C9: variants seen among roughly 807,000 people sequenced by gnomAD.
C9 encodes the protein complement component C9.
C9 carries 63 observed loss-of-function variants against 65.4 expected under a neutral mutation model. The ratio of observed to expected loss-of-function variants is 0.96; its 90% CI spans 0.79 to 1.19. C9 has a LOEUF of 1.19. Among genes scored for constraint, C9 ranks in the 50% most tolerant of loss-of-function variants. The probability of loss-of-function intolerance (pLI) is 0.00; values close to 1 mark genes in which losing one functional copy is unlikely to be tolerated. For synonymous variants in C9, 229 were observed against 227.9 expected (o/e 1.00, Z -0.04); for missense variants, 744 against 670.1 (o/e 1.11, Z -1.22).
Position 39,338,763 on chromosome 5 carries a change from A to C in C9, c.476+2383T>G, listed in dbSNP as rs1754015464. On this transcript the variant is annotated intron_variant, in intron 4 of 10. Coordinates refer to ENST00000263408, the MANE Select transcript of C9 (RefSeq NM_001737.5). The stretch of plus-strand genomic sequence containing the variant: ...ACTCAGCTGTGGGATGGTTCCTAAC[A>C]CCAACCCTGACTGTGGTAAAGCGTG... Among the ~76,000 whole-genome samples, 7 of 152,268 alleles carry C rather than the reference A, an allele frequency of 4.6e-5. No homozygotes were observed. The South Asian group carries it at 1.5e-3, about 32-fold the overall frequency.
chr5:39,353,511 C>T (rs1353573057), intron 1 of C9, among the ~76,000 whole-genome samples: 1 of 152,182 alleles, frequency 6.6e-6, no homozygotes, highest in Non-Finnish European at 1.5e-5. Context: ...TCACTATTCA[C>T]TACATTGATC....
intron 5 of C9, among the ~76,000 whole-genome samples, chr5:39,318,870 A>G (rs1011130340): frequency 1.3e-5 from 2 of 152,250 alleles, no homozygotes; most frequent in Non-Finnish European, 2.9e-5. Flanking sequence ...CCACTTCCCT[A>G]CTTAGATCTT....
chr5:39,345,241 A>G (rs565298394), intron 1 of C9, among the ~76,000 whole-genome samples: 1 of 152,350 alleles, frequency 6.6e-6, no homozygotes, highest in Non-Finnish European at 1.5e-5. Context: ...TTGGATAAAG[A>G]GTAAAGACCC....
chr5:39,336,302 T>C (rs1753964012), intron 4 of C9, among the ~76,000 whole-genome samples: 1 of 152,126 alleles, frequency 6.6e-6, no homozygotes, highest in Non-Finnish European at 1.5e-5. Flanking sequence ...TCTATGCCCC[T>C]TTTTATTCTT....
chr5:39,306,601 T>G lies in C9; in HGVS notation c.1416+16A>C, dbSNP rs1480067192. 6 of 1,597,544 alleles carry G rather than the reference T, an allele frequency of 3.8e-6. No individual in the cohort carries two copies. Among genetic ancestry groups the G allele is most frequent in the Non-Finnish European group, 5.1e-6 (6 of 1,165,080 alleles). On this transcript the variant is annotated intron_variant, in intron 9 of 10. Transcript: ENST00000263408. ...AATGACACAGTCTTCTGTTTGAAAA[T>G]AAACACGTTTCTTACTTTTTGACTA...
chr5:39,313,788 A>G (rs1753527599), intron 6 of C9, among the ~76,000 whole-genome samples: 1 of 152,182 alleles, frequency 6.6e-6, no homozygotes, highest in Non-Finnish European at 1.5e-5. Context: ...GCTCAATTCC[A>G]GGTCTTTTTC....
chr5:39,311,360 A>G lies in C9; in HGVS notation c.888T>C (p.His296=). 1 of 1,612,362 alleles carries G rather than the reference A, an allele frequency of 6.2e-7. No individual in the cohort carries two copies. Among genetic ancestry groups the G allele is most frequent in the East Asian group, 2.2e-5 (1 of 44,864 alleles). The change falls in exon 7 of 11, where the codon CAT becomes CAC. Residue 296 remains histidine, a synonymous_variant. Transcript: ENST00000263408. ...YSSKKEKMFL[H]VKGEIHLGRF... ...TTCCCAGATGAATTTCTCCTTTCAC[A>G]TGCAGAAACATTTTTTCCTGTGTTG...
chr5:39,347,777 A>G (rs1754236517), intron 1 of C9, among the ~76,000 whole-genome samples: 1 of 152,208 alleles, frequency 6.6e-6, no homozygotes, highest in Non-Finnish European at 1.5e-5. Flanking sequence ...CTGTACTACA[A>G]GGCTACAGTA....
intron 10 of C9, among the ~76,000 whole-genome samples, chr5:39,286,727 T>C (rs1752997867): frequency 6.6e-6 from 1 of 151,806 alleles, no homozygotes; most frequent in African/African-American, 2.4e-5. Flanking sequence ...AGAGTTTTTT[T>C]TGGAACGCAA....
intron 9 of C9, among the ~76,000 whole-genome samples, chr5:39,303,274 G>T (rs922191325): frequency 3.3e-5 from 5 of 151,978 alleles, no homozygotes; most frequent in African/African-American, 1.2e-4. Context: ...CATGGAAGCT[G>T]AAGACCATGA....
chr5:39,296,811 G>A (rs1043880774), intron 9 of C9, among the ~76,000 whole-genome samples: 3 of 151,400 alleles, frequency 2.0e-5, no homozygotes, highest in African/African-American at 4.8e-5. Flanking sequence ...AGGATATTAT[G>A]TTAAGTGAAA....
chr5:39,364,433 A>G lies in C9; in HGVS notation c.32T>C (p.Ile11Thr), dbSNP rs1258177049. 1 of 1,609,444 alleles carries G rather than the reference A, an allele frequency of 6.2e-7. No homozygotes were observed. Among genetic ancestry groups the G allele is most frequent in the South Asian group, 1.1e-5 (1 of 90,962 alleles). The change falls in exon 1 of 11, where the codon ATC becomes ACC. Residue 11 changes from isoleucine to threonine, a missense_variant. Transcript: ENST00000263408. ...GAGGATGCTTATTTCTAAAATGCAG[A>G]TTGCAACTGCAAAGCTCCGGCAGGC... Reference protein sequence around the residue: MSACRSFAVAICILEISILTA... With the variant: MSACRSFAVATCILEISILTA...
In C9 at chr5:39,311,766, T is replaced by G. The variant is rs538322636; in HGVS notation, c.871-389A>C. Among the ~76,000 whole-genome samples, 3 of 152,284 alleles carry G rather than the reference T, an allele frequency of 2.0e-5. No individual in the cohort carries two copies. The South Asian group carries it at 6.2e-4, about 32-fold the overall frequency. On this transcript the variant is annotated intron_variant, in intron 6 of 10. Transcript: ENST00000263408. ...AGCATTAGTCAGAATAGCTTAAAAT[T>G]GAAAACATCTCAAATGTCCATCAAG...
chr5:39,341,434 GCCTCTTTTGGGGC>G (rs1754080259), intron 3 of C9, 109 bp downstream of exon 3: 3 of 1,411,348 alleles, frequency 2.1e-6, no homozygotes, highest in Non-Finnish European at 3.0e-6. Flanking sequence ...TATATAGATG[GCCTCTTTTGGGGC>G]CTTTCACGCT....
Position 39,339,651 on chromosome 5 carries a change from C to CT in C9, c.476+1494dup, listed in dbSNP as rs550624256. On this transcript the variant is annotated intron_variant, in intron 4 of 10. Transcript: ENST00000263408. ...GGTCTCCAGATACTGTCTTTTCTCTCTTTTTTTTTTTTTTTTTTTTTTTTT... is the reference window on the plus strand; with the variant it reads ...GGTCTCCAGATACTGTCTTTTCTCTCTTTTTTTTTTTTTTTTTTTTTTTTTT... 6.2e-3 allele frequency among the ~76,000 whole-genome samples: 355 copies of CT among 57,548 alleles called. 20 individuals carry two copies. The highest frequency in any genetic ancestry group is 0.033 in the Middle Eastern group (2 of 60). 37.8% of individuals were successfully genotyped at this position (57,548 alleles called of 152,430 possible). A position where few individuals can be genotyped will look rare whatever the true frequency, so the allele number is the denominator to read the frequency against.
chr5:39,323,640 C>T (rs1753701315), intron 5 of C9, among the ~76,000 whole-genome samples: 1 of 151,386 alleles, frequency 6.6e-6, no homozygotes, highest in Non-Finnish European at 1.5e-5. Flanking sequence ...TAGAAAAACT[C>T]TCAACAAATT....
At chr5:39,310,078 C>A (rs1192743004) in intron 7 of C9, among the ~76,000 whole-genome samples, 1 of 151,912 alleles carries the variant, frequency 6.6e-6, no homozygotes, top group Non-Finnish European at 1.5e-5. Flanking sequence ...CATTCCACTC[C>A]CCCCCGGGAA....
chr5:39,320,964 T>G (rs1011938177), intron 5 of C9, among the ~76,000 whole-genome samples: 1 of 152,050 alleles, frequency 6.6e-6, no homozygotes, highest in African/African-American at 2.4e-5. Context: ...AATAAAAAAT[T>G]TCCCAGAGAC....
intron 4 of C9, among the ~76,000 whole-genome samples, chr5:39,339,218 G>A (rs756266991): frequency 6.6e-5 from 10 of 152,162 alleles, no homozygotes; most frequent in Non-Finnish European, 1.5e-4. Context: ...GAACTTAGGG[G>A]CCTAAGACCA....
Sources: gnomAD v4.1 joint callset for allele counts (sites outside exome capture counted in the v4.1 genomes callset) on GRCh38, gnomAD v4.1.1 for gene constraint, MANE v1.5 for transcripts, NCBI Gene and HGNC (gene_info 2026-07-23, HGNC 2026-07-21) for gene names.